The following C8orf76 variants were observed in gnomAD, a reference collection of about 807,000 sequenced individuals.
The protein encoded by C8orf76 is uncharacterized protein C8orf76.
A neutral mutation model predicts 38.1 loss-of-function variants in C8orf76; 46 were observed. That is an observed-to-expected ratio of 1.21 (90% confidence interval 0.95 to 1.54). The LOEUF is 1.54. C8orf76 is among the 40% of genes most tolerant of loss of function. The pLI, the probability that C8orf76 is intolerant of heterozygous loss-of-function variation, is 0.00. For synonymous variants in C8orf76, 166 were observed against 167.5 expected (o/e 0.99, Z 0.07); for missense variants, 461 against 441.6 (o/e 1.04, Z -0.39).
intron 3 of C8orf76, 27 bp downstream of exon 3, chr8:123,237,771 G>A (rs558259812): frequency 3.5e-5 from 56 of 1,603,416 alleles, no homozygotes; most frequent in East Asian, 1.1e-4. Context: ...AGGAATGTGT[G>A]TGAAAATAAG....
intron 5 of C8orf76, among the ~76,000 whole-genome samples, chr8:123,222,673 A>C (rs1824920830): frequency 6.6e-6 from 1 of 152,256 alleles, no homozygotes; most frequent in Non-Finnish European, 1.5e-5. Flanking sequence ...GGCATTTGAC[A>C]TGATACAAAT....
chr8:123,239,641 G>A (rs1347197707), intron 1 of C8orf76: 1 of 153,560 alleles, frequency 6.5e-6, no homozygotes, highest in Non-Finnish European at 1.4e-5. Flanking sequence ...CTTTTCTACT[G>A]ATTTAAATCC....
At chr8:123,236,068 A>G (rs1052801914) in intron 3 of C8orf76, among the ~76,000 whole-genome samples, 28 of 152,244 alleles carry the variant, frequency 1.8e-4, no homozygotes, top group African/African-American at 6.8e-4. Flanking sequence ...CAGAAAAGAA[A>G]GAACAAAACA....
chr8:123,235,759 G>A (rs2131157873), intron 3 of C8orf76, among the ~76,000 whole-genome samples: 1 of 152,258 alleles, frequency 6.6e-6, no homozygotes, highest in African/African-American at 2.4e-5. Flanking sequence ...GATTCCCTAA[G>A]CTAGAAGGAA....
chr8:123,237,748 C>T (rs746372862), intron 3 of C8orf76, 50 bp downstream of exon 3: 6 of 1,546,748 alleles, frequency 3.9e-6, no homozygotes, highest in Non-Finnish European at 4.4e-6. Flanking sequence ...ATACACCATT[C>T]GACCACCCTT....
intron 2 of C8orf76, 117 bp downstream of exon 2, chr8:123,238,932 T>C: frequency 9.7e-7 from 1 of 1,028,556 alleles, no homozygotes; most frequent in Non-Finnish European, 1.4e-6. Context: ...TAAACACACA[T>C]CACAAAAGAT....
intron 4 of C8orf76, among the ~76,000 whole-genome samples, chr8:123,229,737 C>G (rs1461132226): frequency 2.0e-5 from 3 of 152,172 alleles, no homozygotes; most frequent in Admixed American, 1.3e-4. Flanking sequence ...TGCCAAATAG[C>G]TGGGAACGGT....
chr8:123,240,382 C>G (rs1460156906), intron 1 of C8orf76, among the ~76,000 whole-genome samples: 1 of 152,188 alleles, frequency 6.6e-6, no homozygotes, highest in Non-Finnish European at 1.5e-5. Context: ...TATCGAGTGC[C>G]TGGCATCTTG....
At position 123,231,325 on chromosome 8, in the gene C8orf76, C is replaced by T. The variant is rs1000288390; in HGVS notation, c.790G>A (p.Ala264Thr). ...ETVLIETQLK[A>T]CASFIRTRLL... Reference sequence around the variant, plus strand: ...CTGGTTCGTATAAAAGAGGCACATGCTTTCAGCTGAGTCTCTATCAACACT... The same window carrying T: ...CTGGTTCGTATAAAAGAGGCACATGTTTTCAGCTGAGTCTCTATCAACACT... Residue 264 changes from alanine to threonine, a missense_variant, in exon 4 of 6, where the codon GCA becomes ACA. Physicochemically the swap from Ala to Thr is moderately conservative, Grantham distance 58 (BLOSUM62 0). Transcript: ENST00000276704. 2.4e-5 allele frequency: 38 copies of T among 1,611,662 alleles called. No homozygotes were observed. Among genetic ancestry groups the T allele is most frequent in the Non-Finnish European group, 2.9e-5 (34 of 1,179,214 alleles).
chr8:123,235,447 T>G (rs543179685), intron 3 of C8orf76, among the ~76,000 whole-genome samples: 1 of 151,182 alleles, frequency 6.6e-6, no homozygotes, highest in East Asian at 2.0e-4. Context: ...AAGGCGAGGG[T>G]CCTCAGGTAG....
At chr8:123,229,959 T>C (rs1825188731) in intron 4 of C8orf76, among the ~76,000 whole-genome samples, 1 of 152,062 alleles carries the variant, frequency 6.6e-6, no homozygotes, top group Non-Finnish European at 1.5e-5. Context: ...GACGTTGCAG[T>C]GAGCGGAGAT....
chr8:123,226,987 C>T lies in C8orf76; in HGVS notation c.816-355G>A, dbSNP rs1230338314. On this transcript the variant is annotated intron_variant, in intron 4 of 5. Transcript: ENST00000276704. Reference sequence around the variant, plus strand: ...AGTAATTTGGAGTGAAAGGAACGAGCCTCCCAATCAGACTCCTCTCACACA... The same window carrying T: ...AGTAATTTGGAGTGAAAGGAACGAGTCTCCCAATCAGACTCCTCTCACACA... Among the ~76,000 whole-genome samples, 4 of 152,194 alleles carry T rather than the reference C, an allele frequency of 2.6e-5. No homozygotes were observed. The East Asian group carries it at 7.7e-4, about 29-fold the overall frequency.
intron 5 of C8orf76, among the ~76,000 whole-genome samples, chr8:123,221,640 T>TG (rs1183399342): frequency 6.6e-6 from 1 of 152,204 alleles, no homozygotes; most frequent in East Asian, 1.9e-4. Context: ...TTCATCATGT[T>TG]GGCCAGGCTG....
intron 3 of C8orf76, among the ~76,000 whole-genome samples, chr8:123,237,544 A>C (rs1197383265): frequency 6.6e-6 from 1 of 152,186 alleles, no homozygotes; most frequent in Non-Finnish European, 1.5e-5. Context: ...ACAAGAGAAA[A>C]ACCTCTGCAA....
intron 3 of C8orf76, chr8:123,237,026 T>C (rs976514260): frequency 1.4e-6 from 2 of 1,458,424 alleles, no homozygotes; most frequent in Non-Finnish European, 1.9e-6. Flanking sequence ...CCAGAAGGAG[T>C]CCACCCTGCA....
chr8:123,228,346 C>T (rs1387359036), intron 4 of C8orf76, among the ~76,000 whole-genome samples: 5 of 152,164 alleles, frequency 3.3e-5, no homozygotes, highest in Non-Finnish European at 5.9e-5. Context: ...TTTGGCCAGG[C>T]GCGGTGGCTC....
intron 5 of C8orf76, among the ~76,000 whole-genome samples, chr8:123,220,742 A>G (rs1824876441): frequency 6.6e-6 from 1 of 152,146 alleles, no homozygotes; most frequent in African/African-American, 2.4e-5. Context: ...AACCAAAGCA[A>G]TCTTGGGGAT....
Position 123,231,552 on chromosome 8 carries a change from G to C in C8orf76, c.563C>G (p.Ser188Cys), listed in dbSNP as rs756741488. ...GPALSAALAS[S>C]QKQHSFTSSD... ...TGAGGTGAAACTGTGCTGTTTCTGA[G>C]ATGACGCAAGTGCTGCTGAAAGAGC... The change falls in exon 4 of 6, where the codon TCT (serine) becomes TGT (cysteine). Residue 188 changes from serine (S) to cysteine (C), a missense_variant. Physicochemically the swap from Ser to Cys is moderately radical, Grantham distance 112. Coordinates refer to ENST00000276704, the MANE Select transcript of C8orf76 (RefSeq NM_032847.3). 2 of 1,614,244 alleles carry C rather than the reference G, an allele frequency of 1.2e-6. No homozygotes were observed. Among genetic ancestry groups the C allele is most frequent in the South Asian group, 1.1e-5 (1 of 91,086 alleles).
Position 123,220,255 on chromosome 8 carries a change from G to A in C8orf76, c.991C>T (p.His331Tyr), listed in dbSNP as rs1268907362. ...GAGCCAACACACTTCACCTCTGGGT[G>A]AACTTCATCTTTTATTTTTTCTGGG... ...DIPEKIKDEV[H>Y]PEVKCVGSVA... The change falls in exon 6 of 6, where the codon CAC (histidine) becomes TAC (tyrosine). Residue 331 changes from histidine (H) to tyrosine (Y), a missense_variant. By Grantham distance (83) the His-to-Tyr change is moderately conservative. Transcript: ENST00000276704. The A allele has an allele frequency of 1.2e-6, 2 of 1,607,958 alleles. No individual in the cohort carries two copies. The highest frequency in any genetic ancestry group is 2.2e-5 in the East Asian group (1 of 44,778).
Sources: gnomAD v4.1 joint callset for allele counts (sites outside exome capture counted in the v4.1 genomes callset) on GRCh38, gnomAD v4.1.1 for gene constraint, MANE v1.5 for transcripts, NCBI Gene and HGNC (gene_info 2026-07-23, HGNC 2026-07-21) for gene names.